Variants in BAZ2B observed in about 807,000 individuals in gnomAD.
BAZ2B encodes the protein bromodomain adjacent to zinc finger domain 2B, also known as bromodomain adjacent to zinc finger domain protein 2B.
A neutral mutation model predicts 246.0 loss-of-function variants in BAZ2B; 91 were observed. The observed-to-expected ratio is 0.37, with a 90% CI of 0.31 to 0.44. The LOEUF is 0.44. Among genes scored for constraint, BAZ2B ranks in the 20% least tolerant of loss-of-function variants. The pLI is 1.00. For synonymous variants in BAZ2B, 855 were observed against 860.0 expected (o/e 0.99, Z 0.10); for missense variants, 2,332 against 2,533.7 (o/e 0.92, Z 1.71).
At chr2:159,392,474 T>G (rs935076127) in intron 20 of BAZ2B, among the ~76,000 whole-genome samples, 6 of 152,162 alleles carry the variant, frequency 3.9e-5, no homozygotes, top group Non-Finnish European at 5.9e-5. Flanking sequence ...AAAGTTGATC[T>G]CTCTCACTCA....
chr2:159,359,585 A>G (rs2059471042), intron 27 of BAZ2B, among the ~76,000 whole-genome samples: 1 of 152,034 alleles, frequency 6.6e-6, no homozygotes, highest in Non-Finnish European at 1.5e-5. Context: ...AAAAGGAGGG[A>G]CTCCTTCCTA....
intron 27 of BAZ2B, among the ~76,000 whole-genome samples, chr2:159,354,863 T>C (rs1395958863): frequency 6.6e-6 from 1 of 152,216 alleles, no homozygotes; most frequent in Admixed American, 6.5e-5. Context: ...GGAAGTACTC[T>C]TCACTTAATT....
At chr2:159,576,817 G>A (rs1685422063) in intron 1 of BAZ2B, among the ~76,000 whole-genome samples, 1 of 148,942 alleles carries the variant, frequency 6.7e-6, no homozygotes, top group African/African-American at 2.5e-5. Flanking sequence ...GGAGGCTGAG[G>A]CAGGAGAATC....
intron 2 of BAZ2B, among the ~76,000 whole-genome samples, chr2:159,520,020 T>C (rs992654686): frequency 6.6e-6 from 1 of 152,038 alleles, no homozygotes; most frequent in Non-Finnish European, 1.5e-5. Context: ...TGCATACTTT[T>C]AGAACATTTA....
rs2073667135 is a variant in BAZ2B at position 159,442,794 on chromosome 2, A to G, written c.697-3582T>C. ...TTGCATCTGGTTTACTTCACTTTGT[A>G]TAATAATGTCCTCAAGGTTCATCCA... On this transcript the variant is annotated intron_variant, in intron 6 of 36. Transcript: ENST00000392783. 2.6e-5 allele frequency among the ~76,000 whole-genome samples: 4 copies of G among 152,200 alleles called. No individual in the cohort carries two copies. The South Asian group carries it at 8.3e-4, about 32-fold the overall frequency.
chr2:159,712,282 G>C, the BAZ2B span: 1 of 152,210 alleles, frequency 6.6e-6, no homozygotes, highest in African/African-American at 2.4e-5. Context: ...CCCAGCTGCC[G>C]GCACGCCGGC....
chr2:159,582,811 T>C (rs1273196725), intron 1 of BAZ2B, among the ~76,000 whole-genome samples: 2 of 152,248 alleles, frequency 1.3e-5, no homozygotes, highest in African/African-American at 2.4e-5. Context: ...CTTCCTAAGA[T>C]ATTCACTGAA....
At chr2:159,503,967 T>C (rs1374129359) in intron 2 of BAZ2B, among the ~76,000 whole-genome samples, 5 of 152,194 alleles carry the variant, frequency 3.3e-5, no homozygotes, top group Non-Finnish European at 5.9e-5. Context: ...CAAACATCTA[T>C]ATTTTGCTTT....
At chr2:159,560,592 CAG>C (rs1049755447) in intron 1 of BAZ2B, among the ~76,000 whole-genome samples, 1 of 149,568 alleles carries the variant, frequency 6.7e-6, no homozygotes, top group African/African-American at 2.5e-5. Context: ...TTTTTCGAGA[CAG>C]AGTCTTGCTC....
chr2:159,431,005 C>A lies in BAZ2B; in HGVS notation c.2052G>T (p.Met684Ile). Residue 684 changes from methionine (M) to isoleucine (I), a missense_variant, in exon 10 of 37, where the codon ATG becomes ATT. By Grantham distance (10) the Met-to-Ile change is conservative. This residue lies in a region of BAZ2B where 651 missense variants were observed against 650.9 expected (regional missense o/e 1.00). Transcript: ENST00000392783. ...GAGGTGTTGAGTGACCTGTGAGACT[C>A]ATGGAAGGGCTTTTGACAGAGGAAG... ...KTTSSVKSPS[M>I]SLTGHSTPRN... 6.2e-7 allele frequency: 1 copy of A among 1,613,964 alleles called. No homozygotes were observed. Among genetic ancestry groups the A allele is most frequent in the South Asian group, 1.1e-5 (1 of 91,054 alleles).
At chr2:159,395,897 G>C in intron 19 of BAZ2B, 63 bp from the exon 20 acceptor site, 1 of 1,452,398 alleles carries the variant, frequency 6.9e-7, no homozygotes, top group Non-Finnish European at 9.4e-7. Context: ...ATTTTCCAAT[G>C]AAAAAACAAA....
the BAZ2B span, among the ~76,000 whole-genome samples, chr2:159,654,267 G>A: frequency 1.3e-5 from 2 of 152,124 alleles, no homozygotes; most frequent in African/African-American, 2.4e-5. Context: ...TCTTTTCTTT[G>A]TTATATCTAC....
At chr2:159,415,800 G>A (rs927642681) in intron 13 of BAZ2B, among the ~76,000 whole-genome samples, 1 of 152,120 alleles carries the variant, frequency 6.6e-6, no homozygotes, top group African/African-American at 2.4e-5. Context: ...GCAGTTAATG[G>A]GTACTAAATT....
chr2:159,413,997 A>G lies in BAZ2B; in HGVS notation c.2467-1452T>C, dbSNP rs76727615. On this transcript the variant is annotated intron_variant, in intron 13 of 36. Transcript: ENST00000392783. ...GCTGCAGCACTGTTCACAATAGCCA[A>G]GATTTAGAGGTAACCCATATGTCAG... 2.0e-5 allele frequency among the ~76,000 whole-genome samples: 3 copies of G among 152,324 alleles called. No individual in the cohort carries two copies. The East Asian group carries it at 5.8e-4, about 29-fold the overall frequency.
the BAZ2B span, among the ~76,000 whole-genome samples, chr2:159,645,511 C>T: frequency 6.6e-6 from 1 of 151,946 alleles, no homozygotes; most frequent in Non-Finnish European, 1.5e-5. Flanking sequence ...ATGCACTGCT[C>T]ACAATAGGGT....
At chr2:159,333,819 GCAGA>G (rs992102528) in intron 33 of BAZ2B, among the ~76,000 whole-genome samples, 4 of 152,022 alleles carry the variant, frequency 2.6e-5, no homozygotes, top group African/African-American at 9.7e-5. Flanking sequence ...TATCAAAACA[GCAGA>G]CACACTATTC....
chr2:159,665,808 G>A, the BAZ2B span, among the ~76,000 whole-genome samples: 1 of 152,124 alleles, frequency 6.6e-6, no homozygotes, highest in Non-Finnish European at 1.5e-5. Context: ...ATTTTCTAAG[G>A]TGGATTCCAT....
chr2:159,364,517 T>C (rs2060023346), intron 27 of BAZ2B, among the ~76,000 whole-genome samples: 1 of 152,136 alleles, frequency 6.6e-6, no homozygotes, highest in Admixed American at 6.6e-5. Context: ...CTTAAACTCC[T>C]AAGTAGCTGG....
chr2:159,331,330 A>G (rs1484208498), intron 34 of BAZ2B, among the ~76,000 whole-genome samples: 1 of 152,196 alleles, frequency 6.6e-6, no homozygotes, highest in Admixed American at 6.5e-5. Flanking sequence ...AGCTAGAGAT[A>G]AATTATTGAC....
Sources: gnomAD v4.1 joint callset for allele counts (sites outside exome capture counted in the v4.1 genomes callset) on GRCh38, gnomAD v4.1.1 for gene constraint, gnomAD v4.1.1 regional missense constraint, MANE v1.5 for transcripts, NCBI Gene and HGNC (gene_info 2026-07-23, HGNC 2026-07-21) for gene names.